Variants in CREB5 observed in about 807,000 individuals in gnomAD.
The protein encoded by CREB5 is cAMP responsive element binding protein 5, also known as cyclic AMP-responsive element-binding protein 5.
Under a neutral mutation model 57.1 loss-of-function variants are expected in CREB5, and 19 were observed. The observed-to-expected ratio is 0.33, with a 90% CI of 0.23 to 0.49. CREB5 has a LOEUF of 0.49. Ranked by LOEUF, CREB5 falls within the 20% of genes least tolerant of loss-of-function variation. The pLI is 0.99. For synonymous variants in CREB5, 238 were observed against 238.3 expected, an observed-to-expected ratio of 1.00 and a Z score of 0.01; for missense variants, 579 against 671.6, an observed-to-expected ratio of 0.86 and a Z score of 1.52.
In CREB5 at chr7:28,326,153, T is replaced by TTATC. The variant is rs58259868; in HGVS notation, c.-25+26767_-25+26770dup. Among the ~76,000 whole-genome samples, 923 of 146,190 alleles carry TTATC rather than the reference T, an allele frequency of 6.3e-3. 5 individuals are homozygous for TTATC. The highest frequency in any genetic ancestry group is 8.0e-3 in the Admixed American group (116 of 14,540). Reference sequence around the variant, plus strand: ...GAGACAGAACTGGTACACACACACATTATCTATCTATCTATCTATCTATCT... The same window carrying TTATC: ...GAGACAGAACTGGTACACACACACATTATCTATCTATCTATCTATCTATCTATCT... On this transcript the variant is annotated intron_variant, in intron 1 of 9. Coordinates refer to the CREB5 transcript ENST00000396299.
chr7:28,618,701 G>A (rs1381912212), intron 5 of CREB5, among the ~76,000 whole-genome samples: 1 of 152,172 alleles, frequency 6.6e-6, no homozygotes, highest in Non-Finnish European at 1.5e-5. Flanking sequence ...GGAGGTGGAG[G>A]CCTACTAGGC....
At chr7:28,448,512 C>A (rs976210912) in intron 1 of CREB5, among the ~76,000 whole-genome samples, 1 of 152,118 alleles carries the variant, frequency 6.6e-6, no homozygotes, top group African/African-American at 2.4e-5. Flanking sequence ...GGCCCAGGAA[C>A]CTTTAGTGTT....
At chr7:28,560,915 C>CGTGCGTGT (rs1795176213) in intron 4 of CREB5, among the ~76,000 whole-genome samples, 16 of 16,894 alleles carry the variant, frequency 9.5e-4, no homozygotes, top group South Asian at 6.8e-3. Flanking sequence ...CGTGCGTGTG[C>CGTGCGTGT]GTGTGTGCGC....
At chr7:28,564,534 C>T (rs187084666) in intron 4 of CREB5, among the ~76,000 whole-genome samples, 1 of 152,296 alleles carries the variant, frequency 6.6e-6, no homozygotes, top group East Asian at 1.9e-4. Context: ...CAGGAGTATG[C>T]AATCAAGACT....
chr7:28,598,452 G>A (rs1170790542), intron 5 of CREB5, among the ~76,000 whole-genome samples: 2 of 152,124 alleles, frequency 1.3e-5, no homozygotes, highest in Non-Finnish European at 2.9e-5. Flanking sequence ...GTGTGTGGTG[G>A]GGTGTTTTTA....
At chr7:28,510,506 T>C (rs1792662865) in intron 4 of CREB5, among the ~76,000 whole-genome samples, 2 of 152,234 alleles carry the variant, frequency 1.3e-5, no homozygotes, top group Admixed American at 6.5e-5. Flanking sequence ...ATTGGAAAGA[T>C]TGGACTGGTT....
At chr7:28,314,565 T>C (rs1049401382) in intron 1 of CREB5, among the ~76,000 whole-genome samples, 2 of 152,202 alleles carry the variant, frequency 1.3e-5, no homozygotes, top group African/African-American at 4.8e-5. Context: ...ATTATTGTGA[T>C]ATATAATGTG....
At chr7:28,355,981 G>T (rs192203338) in intron 1 of CREB5, among the ~76,000 whole-genome samples, 12 of 152,314 alleles carry the variant, frequency 7.9e-5, no homozygotes, top group African/African-American at 2.4e-4. Flanking sequence ...GACAGCTGTG[G>T]CAGGTATAAA....
intron 5 of CREB5, among the ~76,000 whole-genome samples, chr7:28,669,051 T>G (rs892417774): frequency 6.6e-6 from 1 of 152,208 alleles, no homozygotes; most frequent in African/African-American, 2.4e-5. Flanking sequence ...CACATCTGGC[T>G]TGAGGTACCA....
At chr7:28,722,493 A>G (rs1803092654) in intron 6 of CREB5, among the ~76,000 whole-genome samples, 1 of 152,234 alleles carries the variant, frequency 6.6e-6, no homozygotes, top group African/African-American at 2.4e-5. Flanking sequence ...ATGATTTACA[A>G]TTACAGTGCA....
At chr7:28,773,928 G>A (rs1195808099) in intron 7 of CREB5, among the ~76,000 whole-genome samples, 2 of 152,170 alleles carry the variant, frequency 1.3e-5, no homozygotes, top group African/African-American at 4.8e-5. Context: ...ACAATGTCGA[G>A]GTGGATGGAG....
At chr7:28,570,616 G>T in intron 5 of CREB5, 79 bp downstream of exon 5, 1 of 1,507,450 alleles carries the variant, frequency 6.6e-7, no homozygotes, top group South Asian at 1.3e-5. Context: ...GGTTTCTGGT[G>T]CTCAGATTGG....
intron 1 of CREB5, among the ~76,000 whole-genome samples, chr7:28,318,718 C>G (rs1388439845): frequency 6.6e-6 from 1 of 152,124 alleles, no homozygotes; most frequent in Non-Finnish European, 1.5e-5. Context: ...TGTCCTGCAT[C>G]TAGTTCTACA....
At chr7:28,420,624 T>C (rs993144011) in intron 1 of CREB5, among the ~76,000 whole-genome samples, 2 of 151,724 alleles carry the variant, frequency 1.3e-5, no homozygotes, top group South Asian at 2.1e-4. Flanking sequence ...CTGGCCAATA[T>C]GGTGAAACCC....
chr7:28,605,990 A>C (rs1554274040), intron 5 of CREB5, among the ~76,000 whole-genome samples: 2 of 152,194 alleles, frequency 1.3e-5, no homozygotes, highest in Non-Finnish European at 2.9e-5. Context: ...ACGACTGAAC[A>C]CTTGACGTGG....
intron 1 of CREB5, among the ~76,000 whole-genome samples, chr7:28,424,937 T>TA (rs1788437708): frequency 6.6e-6 from 1 of 152,184 alleles, no homozygotes; most frequent in Non-Finnish European, 1.5e-5. Context: ...CACATCATAA[T>TA]AAAAAGACAA....
At chr7:28,805,655 G>C (rs1300770437) in intron 8 of CREB5, among the ~76,000 whole-genome samples, 1 of 152,152 alleles carries the variant, frequency 6.6e-6, no homozygotes, top group Non-Finnish European at 1.5e-5. Context: ...TAGATAAACT[G>C]TCTTTTGCAA....
intron 1 of CREB5, among the ~76,000 whole-genome samples, chr7:28,469,769 T>G (rs761667714): frequency 6.6e-5 from 10 of 152,136 alleles, no homozygotes; most frequent in Non-Finnish European, 1.3e-4. Context: ...CTAATAATCC[T>G]TAGGAGGTAA....
At chr7:28,664,942 GTCT>G (rs1360122784) in intron 5 of CREB5, among the ~76,000 whole-genome samples, 1 of 152,184 alleles carries the variant, frequency 6.6e-6, no homozygotes, top group East Asian at 1.9e-4. Context: ...TGTCAGGGAA[GTCT>G]GTGATCTCAG....
Sources: allele counts gnomAD v4.1 joint callset (sites outside exome capture counted in the v4.1 genomes callset), GRCh38; gene constraint gnomAD v4.1.1; transcripts MANE v1.5; gene names NCBI Gene and HGNC (gene_info 2026-07-23, HGNC 2026-07-21).